Variants in GRID2 observed in about 807,000 individuals in gnomAD.
GRID2 encodes glutamate ionotropic receptor delta type subunit 2.
A neutral mutation model predicts 114.8 loss-of-function variants in GRID2; 33 were observed. That is an observed-to-expected ratio of 0.29 (90% CI 0.22 to 0.38). GRID2 has a LOEUF of 0.38. GRID2 is among the 10% of genes least tolerant of loss of function. The pLI is 1.00. For synonymous variants in GRID2, 505 were observed against 449.9 expected (o/e 1.12, Z -1.55); for missense variants, 1,184 against 1,257.7 (o/e 0.94, Z 0.89).
intron 14 of GRID2, among the ~76,000 whole-genome samples, chr4:93,677,442 G>A (rs1171475241): frequency 3.9e-5 from 6 of 152,292 alleles, no homozygotes; most frequent in Middle Eastern, 3.4e-3. Context: ...CTCCCAGCAC[G>A]CAGCTGGAGA....
intron 2 of GRID2, among the ~76,000 whole-genome samples, chr4:92,628,748 TG>T (rs1488649400): frequency 6.6e-6 from 1 of 152,168 alleles, no homozygotes; most frequent in Admixed American, 6.5e-5. Flanking sequence ...GCCTCCAATC[TG>T]GGCTTCTCTG....
chr4:93,209,561 C>A (rs1401165717), intron 5 of GRID2, among the ~76,000 whole-genome samples: 3 of 151,948 alleles, frequency 2.0e-5, no homozygotes, highest in Admixed American at 6.6e-5. Context: ...TGGACATAGG[C>A]ATGCATGTGT....
intron 1 of GRID2, among the ~76,000 whole-genome samples, chr4:92,511,556 T>TAGTC (rs1724252865): frequency 6.6e-6 from 1 of 151,876 alleles, no homozygotes; most frequent in African/African-American, 2.4e-5. Flanking sequence ...CTGGAATATA[T>TAGTC]AGTCACCAAG....
intron 14 of GRID2, among the ~76,000 whole-genome samples, chr4:93,705,205 T>A (rs1236825182): frequency 1.3e-5 from 2 of 152,238 alleles, no homozygotes; most frequent in African/African-American, 4.8e-5. Context: ...TGATGATCAA[T>A]GATGTTGAGC....
intron 1 of GRID2, among the ~76,000 whole-genome samples, chr4:92,359,975 C>G (rs945222406): frequency 3.9e-5 from 6 of 151,950 alleles, no homozygotes; most frequent in Admixed American, 3.9e-4. Flanking sequence ...GAATTCTCAT[C>G]TATCTGAATT....
chr4:92,860,526 A>G (rs1283065706), intron 2 of GRID2, among the ~76,000 whole-genome samples: 1 of 152,142 alleles, frequency 6.6e-6, no homozygotes, highest in Non-Finnish European at 1.5e-5. Context: ...TAAAGAGAGT[A>G]AGAGTATACA....
intron 2 of GRID2, among the ~76,000 whole-genome samples, chr4:92,602,915 C>T (rs1729286648): frequency 6.6e-6 from 1 of 152,070 alleles, no homozygotes; most frequent in Non-Finnish European, 1.5e-5. Context: ...AAACAACAGA[C>T]AAGCAGTCAA....
chr4:93,025,610 C>T (rs1723810205), intron 2 of GRID2, among the ~76,000 whole-genome samples: 1 of 151,602 alleles, frequency 6.6e-6, no homozygotes, highest in South Asian at 2.1e-4. Flanking sequence ...TAACATTTAC[C>T]TATAATAATA....
chr4:93,028,048 T>G (rs997984719), intron 2 of GRID2, among the ~76,000 whole-genome samples: 10 of 152,202 alleles, frequency 6.6e-5, no homozygotes, highest in Non-Finnish European at 2.9e-5. Context: ...TCCTGCTGCA[T>G]ACTTTCTATT....
intron 5 of GRID2, among the ~76,000 whole-genome samples, chr4:93,212,150 G>A (rs965818177): frequency 2.6e-5 from 4 of 151,994 alleles, no homozygotes; most frequent in South Asian, 2.1e-4. Flanking sequence ...GCAAATGCCC[G>A]TTTTGGCTGA....
intron 2 of GRID2, among the ~76,000 whole-genome samples, chr4:93,075,926 T>C (rs1172708068): frequency 7.8e-4 from 89 of 113,552 alleles, no homozygotes; most frequent in Non-Finnish European, 1.2e-3. Context: ...TTTTTTGAGA[T>C]GGAGTCTCGC....
chr4:92,628,637 C>T (rs1421384791), intron 2 of GRID2, among the ~76,000 whole-genome samples: 1 of 152,122 alleles, frequency 6.6e-6, no homozygotes, highest in Non-Finnish European at 1.5e-5. Flanking sequence ...GGATTACAGG[C>T]GTGAGCCATA....
chr4:92,579,844 G>A (rs1157242152), intron 1 of GRID2, among the ~76,000 whole-genome samples: 6 of 146,608 alleles, frequency 4.1e-5, no homozygotes, highest in African/African-American at 1.2e-4. Context: ...TTTTTCTTAA[G>A]TAATTGATAT....
At position 92,373,894 on chromosome 4, in the gene GRID2, G is replaced by T. The variant is rs1296325709; in HGVS notation, c.88+69150G>T. 2.0e-5 allele frequency among the ~76,000 whole-genome samples: 3 copies of T among 152,038 alleles called. No individual in the cohort carries two copies. In the East Asian group the frequency reaches 5.8e-4, roughly 29 times the overall value. ...ATAGGGAAATTAGGTGACATACAAA[G>T]GTCATACAGCTAGTAAGGAGCAAGT... On this transcript the variant is annotated intron_variant, in intron 1 of 15. Coordinates refer to ENST00000282020, the MANE Select transcript of GRID2 (RefSeq NM_001510.4).
At chr4:92,443,961 A>T (rs962145492) in intron 1 of GRID2, among the ~76,000 whole-genome samples, 2 of 152,192 alleles carry the variant, frequency 1.3e-5, no homozygotes, top group African/African-American at 4.8e-5. Context: ...AAGGAATTGA[A>T]ATTAAGAGAT....
At chr4:93,685,415 G>T (rs943161707) in intron 14 of GRID2, among the ~76,000 whole-genome samples, 2 of 152,000 alleles carry the variant, frequency 1.3e-5, no homozygotes, top group Non-Finnish European at 2.9e-5. Context: ...AACTGAGCCA[G>T]GTTCATTGCC....
intron 1 of GRID2, among the ~76,000 whole-genome samples, chr4:92,453,093 A>G (rs973608105): frequency 3.3e-5 from 5 of 151,774 alleles, no homozygotes; most frequent in Non-Finnish European, 7.4e-5. Flanking sequence ...CATGTCCTCT[A>G]AAGAGCAAAT....
chr4:92,726,140 A>G (rs1197250924), intron 2 of GRID2, among the ~76,000 whole-genome samples: 1 of 152,180 alleles, frequency 6.6e-6, no homozygotes, highest in East Asian at 1.9e-4. Context: ...ACCAGGAACT[A>G]AGAAATGGAA....
At chr4:92,724,035 A>G (rs1236762599) in intron 2 of GRID2, among the ~76,000 whole-genome samples, 26 of 152,166 alleles carry the variant, frequency 1.7e-4, no homozygotes. Context: ...TTAGTCAGAT[A>G]GCAAAAATCT....
Sources: allele counts gnomAD v4.1 joint callset (sites outside exome capture counted in the v4.1 genomes callset), GRCh38; gene constraint gnomAD v4.1.1; transcripts MANE v1.5; gene names NCBI Gene and HGNC (gene_info 2026-07-23, HGNC 2026-07-21).